Variants in STK32B observed in about 807,000 individuals in gnomAD.
The protein encoded by STK32B is serine/threonine-protein kinase 32B.
A neutral mutation model predicts 52.6 loss-of-function variants in STK32B; 43 were observed. The ratio of observed to expected loss-of-function variants is 0.82; its 90% CI spans 0.64 to 1.05. The LOEUF (loss-of-function observed/expected upper bound fraction) is 1.05, where lower values mean the gene tolerates loss of function less well. Among genes scored for constraint, STK32B ranks in the 50% least tolerant of loss-of-function variants. STK32B has a pLI of 0.00. For missense variants in STK32B, 621 were observed against 534.6 expected (o/e 1.16, Z -1.59); for synonymous variants, 238 against 204.3 (o/e 1.17, Z -1.41).
At chr4:5,368,311 A>AGAGCACTCAGG (rs1401313428) in intron 4 of STK32B, among the ~76,000 whole-genome samples, 2 of 128,778 alleles carry the variant, frequency 1.6e-5, no homozygotes, top group African/African-American at 5.6e-5. Context: ...ATTATAAATA[A>AGAGCACTCAGG]TAAGGGCTTT....
intron 3 of STK32B, among the ~76,000 whole-genome samples, chr4:5,262,342 G>A (rs1230160366): frequency 6.6e-6 from 1 of 152,094 alleles, no homozygotes; most frequent in Non-Finnish European, 1.5e-5. Context: ...AAATGGCAGT[G>A]TGTGCCGGGC....
At chr4:5,051,999 C>G in intron 1 of STK32B, 84 bp downstream of exon 1, 1 of 1,535,814 alleles carries the variant, frequency 6.5e-7, no homozygotes, top group Non-Finnish European at 8.8e-7. Context: ...CGGGGCACCG[C>G]ATGCTGCCCG....
intron 1 of STK32B, among the ~76,000 whole-genome samples, chr4:5,102,932 CT>C (rs1451562730): frequency 1.2e-4 from 14 of 112,132 alleles, no homozygotes; most frequent in African/African-American, 3.7e-4. Flanking sequence ...TTCTCCTCCC[CT>C]CCCCCCTCCC....
chr4:5,237,969 C>T (rs1259119026), intron 3 of STK32B, among the ~76,000 whole-genome samples: 2 of 152,034 alleles, frequency 1.3e-5, no homozygotes, highest in Non-Finnish European at 2.9e-5. Context: ...CTTTTTGCCC[C>T]CTCTAGATTG....
intron 9 of STK32B, among the ~76,000 whole-genome samples, chr4:5,463,528 A>T (rs986281853): frequency 6.6e-6 from 1 of 152,074 alleles, no homozygotes; most frequent in Non-Finnish European, 1.5e-5. Flanking sequence ...CCCCACACAC[A>T]TATGCACACG....
At chr4:5,360,549 G>T (rs903534675) in intron 4 of STK32B, among the ~76,000 whole-genome samples, 1 of 152,146 alleles carries the variant, frequency 6.6e-6, no homozygotes, top group Non-Finnish European at 1.5e-5. Context: ...GAGATGTGGG[G>T]TGTTGGGGCC....
In STK32B at chr4:5,317,180, A is replaced by ATATATAACATATATAT. The variant is rs1731042593; in HGVS notation, c.261-14034_261-14033insACATATATATTATATA. Reference sequence around the variant, plus strand: ...ATATTACATATATATAACATATAATATATATATATAACATATATATATTAT... The same window carrying ATATATAACATATATAT: ...ATATTACATATATATAACATATAATATATATAACATATATATTATATATATAACATATATATATTAT... On this transcript the variant is annotated intron_variant, in intron 3 of 11. Transcript: ENST00000282908. Among the ~76,000 whole-genome samples, 14 of 49,566 alleles carry ATATATAACATATATAT rather than the reference A, an allele frequency of 2.8e-4. 2 individuals are homozygous for ATATATAACATATATAT. Among genetic ancestry groups the ATATATAACATATATAT allele is most frequent in the African/African-American group, 3.7e-4 (2 of 5,404 alleles). The allele number at this position is 49,566 out of a possible 152,430, so 32.5% of individuals were successfully genotyped here.
intron 3 of STK32B, among the ~76,000 whole-genome samples, chr4:5,292,628 G>C (rs1728958571): frequency 6.6e-6 from 1 of 151,918 alleles, no homozygotes; most frequent in Non-Finnish European, 1.5e-5. Flanking sequence ...TTCTTTTGCT[G>C]TGCAAAAGCT....
intron 1 of STK32B, among the ~76,000 whole-genome samples, chr4:5,138,903 C>T (rs917186216): frequency 8.5e-5 from 13 of 152,100 alleles, no homozygotes; most frequent in Non-Finnish European, 1.6e-4. Context: ...GGAAGGGAGG[C>T]AGGAGAAGCA....
chr4:5,131,580 C>CT (rs895926590), intron 1 of STK32B, among the ~76,000 whole-genome samples: 4 of 152,196 alleles, frequency 2.6e-5, no homozygotes, highest in African/African-American at 7.2e-5. Context: ...GGCTTTCCCA[C>CT]TTTCTCTCCT....
At chr4:5,152,349 AC>A (rs1717438118) in intron 2 of STK32B, among the ~76,000 whole-genome samples, 1 of 152,120 alleles carries the variant, frequency 6.6e-6, no homozygotes, top group Admixed American at 6.5e-5. Context: ...GTATTTTGCA[AC>A]CTGGACACAT....
chr4:5,278,559 T>C (rs753258033), intron 3 of STK32B, among the ~76,000 whole-genome samples: 1 of 152,184 alleles, frequency 6.6e-6, no homozygotes, highest in Non-Finnish European at 1.5e-5. Context: ...AAGTCTCTAA[T>C]GGACTCTAGT....
chr4:5,123,752 A>G (rs1715197789), intron 1 of STK32B, among the ~76,000 whole-genome samples: 1 of 152,136 alleles, frequency 6.6e-6, no homozygotes, highest in Admixed American at 6.5e-5. Flanking sequence ...TAAAGACCAC[A>G]TAAGCAAATC....
intron 4 of STK32B, among the ~76,000 whole-genome samples, chr4:5,360,976 A>G (rs1307224395): frequency 6.6e-6 from 1 of 152,120 alleles, no homozygotes; most frequent in Non-Finnish European, 1.5e-5. Context: ...CCACTAAACA[A>G]TTCACTCCTC....
In STK32B at chr4:5,467,352, C is replaced by T. The variant is rs1396586591; in HGVS notation, c.1041+518C>T. Among the ~76,000 whole-genome samples, 2 of 152,168 alleles carry T rather than the reference C, an allele frequency of 1.3e-5. No individual in the cohort carries two copies. Among genetic ancestry groups the T allele is most frequent in the Non-Finnish European group, 2.9e-5 (2 of 68,034 alleles). The stretch of plus-strand genomic sequence containing the variant: ...GGGCCGTCCTTGGCTCCCCAGGCTT[C>T]GAGTGGCGGCCGGCCCCCTTGTCCT... On this transcript the variant is annotated intron_variant, in intron 10 of 11. Transcript: ENST00000282908. This position sits in a 1 kb window ranked among gnomAD's most constrained non-coding sequence, Gnocchi z 5.8.
chr4:5,326,876 C>G (rs1370999998), intron 3 of STK32B, among the ~76,000 whole-genome samples: 1 of 152,152 alleles, frequency 6.6e-6, no homozygotes, highest in Non-Finnish European at 1.5e-5. Flanking sequence ...GCAAGTGGTG[C>G]TGTTTGATAG....
chr4:5,057,253 C>T (rs1167536818), intron 1 of STK32B, among the ~76,000 whole-genome samples: 1 of 152,190 alleles, frequency 6.6e-6, no homozygotes, highest in East Asian at 1.9e-4. Flanking sequence ...GATTTGAGAC[C>T]AGAATGGCCT....
intron 3 of STK32B, among the ~76,000 whole-genome samples, chr4:5,242,624 T>G (rs1393744534): frequency 6.6e-6 from 1 of 152,200 alleles, no homozygotes; most frequent in Non-Finnish European, 1.5e-5. Flanking sequence ...GCCATTGCTT[T>G]TGGTGTTTTA....
intron 6 of STK32B, chr4:5,438,072 A>T: frequency 1.0e-6 from 1 of 985,574 alleles, no homozygotes; most frequent in Non-Finnish European, 1.2e-6. Context: ...GCTGCCAGGC[A>T]TGACAAGGTT....
Sources: allele counts gnomAD v4.1 joint callset (sites outside exome capture counted in the v4.1 genomes callset), GRCh38; gene constraint gnomAD v4.1.1; non-coding constraint Gnocchi (gnomAD v3.1); transcripts MANE v1.5; gene names NCBI Gene and HGNC (gene_info 2026-07-23, HGNC 2026-07-21).